The following BCL7C variants were observed in gnomAD, a reference collection of about 807,000 sequenced individuals.
BCL7C encodes the protein B-cell CLL/lymphoma 7 protein family member C.
In BCL7C, 8 loss-of-function variants were observed where a neutral mutation model predicts 26.2. The observed-to-expected ratio is 0.30, with a 90% CI of 0.18 to 0.55. The LOEUF (loss-of-function observed/expected upper bound fraction) is 0.55, where lower values mean the gene tolerates loss of function less well. Ranked by LOEUF, BCL7C falls within the 20% of genes least tolerant of loss-of-function variation. The pLI is 0.93. For missense variants in BCL7C, 262 were observed against 298.5 expected, an observed-to-expected ratio of 0.88 and a Z score of 0.90; for synonymous variants, 90 against 116.5, an observed-to-expected ratio of 0.77 and a Z score of 1.47.
intron 5 of BCL7C, among the ~76,000 whole-genome samples, chr16:30,870,887 C>CT (rs779657680): frequency 6.6e-5 from 10 of 152,186 alleles, no homozygotes; most frequent in Non-Finnish European, 1.2e-4. Context: ...GCTCCATTCA[C>CT]TAGCTGTGTG....
chr16:30,887,900 G>GT lies in BCL7C; in HGVS notation c.618dup (p.Leu207ThrfsTer10), dbSNP rs781032218. 4.3e-4 allele frequency: 683 copies of GT among 1,601,518 alleles called. No homozygotes were observed. Among genetic ancestry groups the GT allele is most frequent in the Non-Finnish European group, 5.4e-4 (632 of 1,174,792 alleles). On this transcript the variant is annotated frameshift_variant, in exon 6 of 6. Transcript: ENST00000215115. LOFTEE classifies it high-confidence loss of function. ...GGGGCATTTGGGCAGATGCGCTTGA[G>GT]TGGGGGGGCACCCTCCGAGTCCTCT...
At chr16:30,836,988 G>T (rs1041017503) in intron 5 of BCL7C, among the ~76,000 whole-genome samples, 1 of 151,502 alleles carries the variant, frequency 6.6e-6, no homozygotes, top group Non-Finnish European at 1.5e-5. Flanking sequence ...TAGAGACAGG[G>T]TTTCACTATG....
intron 5 of BCL7C, among the ~76,000 whole-genome samples, chr16:30,858,939 T>A (rs2054747383): frequency 6.6e-6 from 1 of 152,128 alleles, no homozygotes; most frequent in African/African-American, 2.4e-5. Context: ...AGGTTACTTA[T>A]AAGGGAACGA....
chr16:30,846,199 A>AATTAATTT (rs2054634153), intron 5 of BCL7C, among the ~76,000 whole-genome samples: 2 of 131,452 alleles, frequency 1.5e-5, no homozygotes, highest in South Asian at 2.6e-4. Flanking sequence ...CTAATTTTAA[A>AATTAATTT]ATTTATTTAT....
chr16:30,838,960 T>C (rs1036712445), intron 5 of BCL7C, among the ~76,000 whole-genome samples: 1 of 152,154 alleles, frequency 6.6e-6, no homozygotes, highest in African/African-American at 2.4e-5. Context: ...AGAAAGATTC[T>C]GGGAAAAAAA....
At chr16:30,888,332 G>A (rs1418110141) in intron 5 of BCL7C, among the ~76,000 whole-genome samples, 2 of 152,046 alleles carry the variant, frequency 1.3e-5, no homozygotes, top group East Asian at 1.9e-4. Flanking sequence ...ATTTTGTCAG[G>A]CTTTATTTAT....
chr16:30,851,634 GT>G, intron 5 of BCL7C: 16 of 565,654 alleles, frequency 2.8e-5, no homozygotes, highest in South Asian at 4.1e-5. Flanking sequence ...AGGCCTTGCA[GT>G]TTTTGGTGCA....
chr16:30,839,234 T>C (rs548530796), intron 5 of BCL7C, among the ~76,000 whole-genome samples: 2 of 152,358 alleles, frequency 1.3e-5, no homozygotes, highest in East Asian at 3.9e-4. Context: ...GACTGTGGCC[T>C]CTCTAGAGGA....
chr16:30,870,781 C>T (rs1322437320), intron 5 of BCL7C, among the ~76,000 whole-genome samples: 2 of 152,156 alleles, frequency 1.3e-5, no homozygotes, highest in African/African-American at 4.8e-5. Context: ...CCAAGCATCA[C>T]CTCCCTCCCT....
chr16:30,847,426 T>C (rs2054642805), intron 5 of BCL7C, among the ~76,000 whole-genome samples: 1 of 152,154 alleles, frequency 6.6e-6, no homozygotes, highest in Non-Finnish European at 1.5e-5. Context: ...CCTGGGCAAA[T>C]GCCTTGAAAG....
chr16:30,862,592 G>C (rs1360845989), intron 5 of BCL7C, among the ~76,000 whole-genome samples: 1 of 151,892 alleles, frequency 6.6e-6, no homozygotes, highest in African/African-American at 2.4e-5. Context: ...TTCTCAAAGG[G>C]ATATCTCGTA....
intron 5 of BCL7C, among the ~76,000 whole-genome samples, chr16:30,844,819 G>C (rs946429260): frequency 1.7e-4 from 26 of 152,148 alleles, no homozygotes; most frequent in African/African-American, 5.8e-4. Flanking sequence ...CTAAGATAAC[G>C]GGCTGGACTT....
At chr16:30,850,201 C>T (rs945626539) in intron 5 of BCL7C, among the ~76,000 whole-genome samples, 10 of 126,776 alleles carry the variant, frequency 7.9e-5, no homozygotes, top group Non-Finnish European at 1.4e-4. Context: ...CTGAGCGAGA[C>T]TCCATCTCAA....
At chr16:30,851,203 T>C (rs1348460189) in intron 5 of BCL7C, 1 of 306,078 alleles carries the variant, frequency 3.3e-6, no homozygotes, top group Non-Finnish European at 6.5e-6. Context: ...GTCAGGTGAA[T>C]ATGGTGGATG....
chr16:30,874,433 A>C (rs2054916995), intron 5 of BCL7C, among the ~76,000 whole-genome samples: 1 of 152,088 alleles, frequency 6.6e-6, no homozygotes, highest in Non-Finnish European at 1.5e-5. Context: ...CCTGGACAAC[A>C]TAGCGAGATC....
At chr16:30,885,354 A>C (rs2055116052), downstream of BCL7C, among the ~76,000 whole-genome samples, 1 of 152,052 alleles carries the variant, frequency 6.6e-6, no homozygotes, top group Non-Finnish European at 1.5e-5. Context: ...ACTTTAACCC[A>C]GTGAGACTAA....
In BCL7C at chr16:30,893,323, C is replaced by A; in HGVS notation, c.93-33G>T. ...AGGGTGGGGGGCTGGGTCAGAGAGGCCTGAGGGGAGACCCACCCCCCTAGG... is the reference window on the plus strand; with the variant it reads ...AGGGTGGGGGGCTGGGTCAGAGAGGACTGAGGGGAGACCCACCCCCCTAGG... On this transcript the variant is annotated intron_variant, in intron 1 of 5. Coordinates refer to ENST00000215115, the MANE Select transcript of BCL7C (RefSeq NM_004765.4). This position sits in a 1 kb window ranked among gnomAD's most constrained non-coding sequence, Gnocchi z 5.2. 1 of 1,588,700 alleles carries A rather than the reference C, an allele frequency of 6.3e-7. No homozygotes were observed. The highest frequency in any genetic ancestry group is 8.6e-7 in the Non-Finnish European group (1 of 1,161,178).
At chr16:30,863,124 C>T (rs1189054635) in intron 5 of BCL7C, among the ~76,000 whole-genome samples, 1 of 152,096 alleles carries the variant, frequency 6.6e-6, no homozygotes, top group African/African-American at 2.4e-5. Context: ...ACCTGGCATT[C>T]ACTCCACTTC....
At chr16:30,851,742 T>C in intron 5 of BCL7C, 1 of 551,988 alleles carries the variant, frequency 1.8e-6, no homozygotes, top group Non-Finnish European at 3.2e-6. Flanking sequence ...CACCAAACAG[T>C]GACCGTGACC....
Sources: allele counts gnomAD v4.1 joint callset (sites outside exome capture counted in the v4.1 genomes callset), GRCh38; gene constraint gnomAD v4.1.1; non-coding constraint Gnocchi (gnomAD v3.1); transcripts MANE v1.5; gene names NCBI Gene and HGNC (gene_info 2026-07-23, HGNC 2026-07-21).